The following EIF2B4 variants were observed in gnomAD, a reference collection of about 807,000 sequenced individuals.
EIF2B4 encodes translation initiation factor eIF2B subunit delta.
A neutral mutation model predicts 66.7 loss-of-function variants in EIF2B4; 34 were observed. The observed-to-expected ratio is 0.51, with a 90% CI of 0.39 to 0.68. The LOEUF (loss-of-function observed/expected upper bound fraction) is 0.68, where lower values mean the gene tolerates loss of function less well. Among genes scored for constraint, EIF2B4 ranks in the 30% least tolerant of loss-of-function variants. The pLI is 0.00. For missense variants in EIF2B4, 618 were observed against 657.9 expected, an observed-to-expected ratio of 0.94 and a Z score of 0.66; for synonymous variants, 278 against 253.6, an observed-to-expected ratio of 1.10 and a Z score of -0.92.
intron 11 of EIF2B4, 21 bp from the exon 12 acceptor site, chr2:27,364,919 A>G (rs1321629051): frequency 5.0e-6 from 8 of 1,612,460 alleles, no homozygotes; most frequent in Middle Eastern, 1.6e-4. Context: ...GGAGAAGAGG[A>G]AGAAAAAAAT....
chr2:27,370,127 G>C, intron 1 of EIF2B4, 157 bp downstream of exon 1: 9 of 1,523,160 alleles, frequency 5.9e-6, no homozygotes, highest in African/African-American at 1.4e-5. Flanking sequence ...CAACCAGCCG[G>C]TGCGCGGCGC....
chr2:27,370,066 G>A, intron 1 of EIF2B4, 147 bp from the exon 2 acceptor site: 1 of 1,504,078 alleles, frequency 6.6e-7, no homozygotes, highest in Non-Finnish European at 8.9e-7. Context: ...GCGTGGGGAC[G>A]CACTGCGCGG....
At chr2:27,370,194 G>C (rs1682299199) in intron 1 of EIF2B4, 90 bp downstream of exon 1, 4 of 1,532,848 alleles carry the variant, frequency 2.6e-6, no homozygotes, top group South Asian at 1.2e-5. Flanking sequence ...GAACGGAGCG[G>C]CGGGGCCCAA....
chr2:27,366,919 C>A lies in EIF2B4; in HGVS notation c.1031G>T (p.Arg344Leu), dbSNP rs141025043. The A allele has an allele frequency of 6.2e-7, 1 of 1,614,124 alleles. No individual in the cohort carries two copies. The highest frequency in any genetic ancestry group is 2.2e-5 in the East Asian group (1 of 44,884). The change falls in exon 11 of 13, where the codon CGA becomes CTA. Residue 344 changes from arginine (R) to leucine (L), a missense_variant. By Grantham distance (102) the Arg-to-Leu change is moderately radical. Transcript: ENST00000347454. ...CTCTGTCCAAGCCTCCTGAAGAATT[C>A]GTGATACCAGAGATGAGCTAGAGTG... The part of the protein sequence containing the change: ...LVYGCSSLVS[R>L]ILQEAWTEGR...
chr2:27,370,149 C>G, intron 1 of EIF2B4, 135 bp downstream of exon 1: 1 of 1,538,308 alleles, frequency 6.5e-7, no homozygotes, highest in South Asian at 1.2e-5. Context: ...GGACTGCGCT[C>G]GAGACTGTGT....
In EIF2B4 at chr2:27,368,736, G is replaced by A; in HGVS notation, c.419-3C>T. The A allele has an allele frequency of 3.7e-6, 6 of 1,614,066 alleles. No individual in the cohort carries two copies. Among genetic ancestry groups the A allele is most frequent in the Non-Finnish European group, 5.1e-6 (6 of 1,179,954 alleles). On this transcript the variant is annotated splice_polypyrimidine_tract_variant and splice_region_variant and intron_variant, in intron 4 of 12. Transcript: ENST00000347454. ...GTACTCAGGGAGACGCTTCACTCCTGAAAGATAATCATCATGTTTTCAGGA... is the reference window on the plus strand; with the variant it reads ...GTACTCAGGGAGACGCTTCACTCCTAAAAGATAATCATCATGTTTTCAGGA...
chr2:27,366,395 A>G, intron 11 of EIF2B4: 1 of 319,604 alleles, frequency 3.1e-6, no homozygotes, highest in Admixed American at 4.2e-5. Context: ...ATTTTTAAAT[A>G]ATTGTGGCTG....
At chr2:27,366,405 G>T in intron 11 of EIF2B4, 1 of 334,838 alleles carries the variant, frequency 3.0e-6, no homozygotes, top group African/African-American at 2.1e-5. Flanking sequence ...AATTGTGGCT[G>T]GGCACAGTGG....
intron 11 of EIF2B4, 49 bp downstream of exon 11, chr2:27,366,710 A>G: frequency 6.2e-7 from 1 of 1,600,958 alleles, no homozygotes; most frequent in Non-Finnish European, 8.6e-7. Flanking sequence ...TGTCTATACT[A>G]CTACACCTTT....
intron 11 of EIF2B4, chr2:27,366,453 CA>C (rs1374339944): frequency 7.2e-6 from 3 of 414,676 alleles, no homozygotes; most frequent in African/African-American, 6.1e-5. Flanking sequence ...GAGGCCGAGA[CA>C]GGGGGAACTG....
chr2:27,368,212 A>G, intron 6 of EIF2B4, 73 bp from the exon 7 acceptor site: 3 of 1,374,412 alleles, frequency 2.2e-6, no homozygotes, highest in Non-Finnish European at 3.1e-6. Context: ...CCTGATGAAA[A>G]GGAACTCCCT....
Position 27,367,382 on chromosome 2 carries a change from C to T in EIF2B4, c.885+75G>A. The T allele has an allele frequency of 5.0e-6, 8 of 1,601,884 alleles. No homozygotes were observed. The South Asian group carries it at 7.7e-5, about 15-fold the overall frequency. ...AGGGCAAAAAAAGGCTTACGTTGGC[C>T]TTCCCGGGAGTTTTTAACATGTTTC... On this transcript the variant is annotated intron_variant, in intron 9 of 12. Coordinates refer to ENST00000347454, the MANE Select transcript of EIF2B4 (RefSeq NM_001034116.2).
rs377209171 is a variant in EIF2B4, at chr2:27,369,436, A to G, written c.189T>C (p.Ala63=). The change falls in exon 3 of 13, where the codon GCT becomes GCC. Residue 63 remains alanine (A), a synonymous_variant. Transcript: ENST00000347454. ...EKGAEPETGS[A]VSAAQCQVGP... ...CACCTTGACATTGGGCTGCAGATAC[A>G]GCAGAGCCAGTCTCTGGTTCTGCCC... 2 of 1,614,044 alleles carry G rather than the reference A, an allele frequency of 1.2e-6. No individual in the cohort carries two copies. Among genetic ancestry groups the G allele is most frequent in the African/African-American group, 1.3e-5 (1 of 74,982 alleles).
chr2:27,366,572 C>G (rs569383027), intron 11 of EIF2B4, 187 bp downstream of exon 11: 1 of 692,332 alleles, frequency 1.4e-6, no homozygotes, highest in Admixed American at 2.1e-5. Context: ...CCCAGCTACT[C>G]AGAGGCGGAG....
Position 27,368,617 on chromosome 2 carries a change from A to G in EIF2B4, c.498+37T>C, listed in dbSNP as rs886038382. 2 of 1,611,878 alleles carry G rather than the reference A, an allele frequency of 1.2e-6. No homozygotes were observed. The highest frequency in any genetic ancestry group is 2.7e-5 in the African/African-American group (2 of 74,858). On this transcript the variant is annotated intron_variant, in intron 5 of 12. Coordinates refer to ENST00000347454, the MANE Select transcript of EIF2B4 (RefSeq NM_001034116.2). Reference sequence around the variant, plus strand: ...TTTCCTCCCTCCAGTCCATTTCCCTAGGCTCTTTCTAGCCAGGCACCAAAC... The same window carrying G: ...TTTCCTCCCTCCAGTCCATTTCCCTGGGCTCTTTCTAGCCAGGCACCAAAC...
At chr2:27,368,802 A>G (rs985907495) in intron 4 of EIF2B4, 69 bp from the exon 5 acceptor site, 3 of 1,542,004 alleles carry the variant, frequency 1.9e-6, no homozygotes, top group South Asian at 2.2e-5. Context: ...CTTAGGGTAT[A>G]AGGGGCATCA....
At chr2:27,365,745 G>C (rs1051925867) in intron 11 of EIF2B4, 1 of 152,118 alleles carries the variant, frequency 6.6e-6, no homozygotes, top group East Asian at 1.9e-4. Context: ...TCTCCCACAG[G>C]AAAAGTAAAC....
chr2:27,367,922 G>A, intron 7 of EIF2B4, 100 bp from the exon 8 acceptor site: 4 of 1,473,134 alleles, frequency 2.7e-6, no homozygotes, highest in Non-Finnish European at 3.8e-6. Flanking sequence ...CTGAGGGTAG[G>A]AGTATTCCCT....
chr2:27,366,233 T>C (rs920675456), intron 11 of EIF2B4: 5 of 179,844 alleles, frequency 2.8e-5, no homozygotes, highest in African/African-American at 7.4e-5. Context: ...TGTGTGTGTG[T>C]GTGTGTGTGT....
Sources: gnomAD v4.1 joint callset for allele counts on GRCh38, gnomAD v4.1.1 for gene constraint, MANE v1.5 for transcripts, NCBI Gene and HGNC (gene_info 2026-07-23, HGNC 2026-07-21) for gene names.